Variants in ANKRD24 observed in about 807,000 individuals in gnomAD.
ANKRD24 encodes the protein ankyrin repeat domain-containing protein 24.
Under a neutral mutation model 127.8 loss-of-function variants are expected in ANKRD24, and 109 were observed. That is an observed-to-expected ratio of 0.85 (90% CI 0.73 to 1.00). ANKRD24 has a LOEUF of 1.00. ANKRD24 is among the 50% of genes least tolerant of loss of function. ANKRD24 has a pLI of 0.00. For missense variants in ANKRD24, 1,648 were observed against 1,570.2 expected, an observed-to-expected ratio of 1.05 and a Z score of -0.84; for synonymous variants, 743 against 671.1, an observed-to-expected ratio of 1.11 and a Z score of -1.66.
intron 13 of ANKRD24, 42 bp downstream of exon 13, chr19:4,210,414 G>A: frequency 6.7e-7 from 1 of 1,482,660 alleles, no homozygotes; most frequent in African/African-American, 1.4e-5. Flanking sequence ...CAGCCTGGGT[G>A]GGGTCAATGC....
chr19:4,220,170 G>A (rs984256159), intron 19 of ANKRD24, among the ~76,000 whole-genome samples: 3 of 151,872 alleles, frequency 2.0e-5, no homozygotes, highest in African/African-American at 4.8e-5. Flanking sequence ...ATGGGGTTTC[G>A]TCACGTTGGC....
chr19:4,196,069 C>T (rs1968717638), intron 2 of ANKRD24, among the ~76,000 whole-genome samples: 1 of 152,112 alleles, frequency 6.6e-6, no homozygotes, highest in Non-Finnish European at 1.5e-5. Flanking sequence ...TGGGTGGAGG[C>T]CAGGGATGCT....
chr19:4,185,770 A>G (rs536015947), intron 1 of ANKRD24, among the ~76,000 whole-genome samples: 1 of 152,334 alleles, frequency 6.6e-6, no homozygotes, highest in Admixed American at 6.5e-5. Flanking sequence ...CCCTGGCTTC[A>G]GTCCCCAGGG....
Position 4,186,436 on chromosome 19 carries a change from T to A in ANKRD24, c.11T>A (p.Leu4His). ...CACAGGGCACCAACTATGAAGACTCTCAGGGCGCGATTTAAGAAGACAGAG... is the reference window on the plus strand; with the variant it reads ...CACAGGGCACCAACTATGAAGACTCACAGGGCGCGATTTAAGAAGACAGAG... Reference protein sequence around the residue: MKTLRARFKKTELR... With the variant: MKTHRARFKKTELR... Residue 4 changes from leucine to histidine, a missense_variant, in exon 2 of 22, where the codon CTC becomes CAC. Coordinates refer to ENST00000318934, the MANE Select transcript of ANKRD24 (RefSeq NM_001393985.1). 6.3e-7 allele frequency: 1 copy of A among 1,592,692 alleles called. No individual in the cohort carries two copies. The highest frequency in any genetic ancestry group is 8.5e-7 in the Non-Finnish European group (1 of 1,169,682).
chr19:4,185,555 CT>C (rs1279086918), intron 1 of ANKRD24, among the ~76,000 whole-genome samples: 3 of 152,218 alleles, frequency 2.0e-5, no homozygotes, highest in Non-Finnish European at 1.5e-5. Context: ...CAAGATAGGC[CT>C]GCCTGACCTC....
chr19:4,207,581 C>T lies in ANKRD24; in HGVS notation c.618C>T (p.Ala206=), dbSNP rs376699397. The T allele has an allele frequency of 6.3e-5, 102 of 1,613,858 alleles. 1 individual carries two copies. The African/African-American group carries it at 8.0e-4, about 13-fold the overall frequency. The change falls in exon 9 of 22, where the codon GCC becomes GCT. Residue 206 remains alanine, a synonymous_variant. Coordinates refer to ENST00000318934, the MANE Select transcript of ANKRD24 (RefSeq NM_001393985.1). ...LCRLLLQQGA[A]ANDQDLQGRT... is the part of the protein sequence containing the mutation. ...GTCTCCTACTGCAGCAAGGGGCTGC[C>T]GCGAACGATCAGGACCTGCAAGGCA...
intron 1 of ANKRD24, chr19:4,183,499 T>G (rs997587895): frequency 6.7e-6 from 2 of 299,280 alleles, no homozygotes; most frequent in African/African-American, 4.6e-5. Flanking sequence ...ATGGTGTGGT[T>G]GGGGTGCAAT....
chr19:4,203,649 T>G (rs1216209135), intron 7 of ANKRD24, among the ~76,000 whole-genome samples: 1 of 151,620 alleles, frequency 6.6e-6, no homozygotes, highest in Non-Finnish European at 1.5e-5. Flanking sequence ...TCACCTAGCC[T>G]CCTCCTTTTT....
intron 19 of ANKRD24, among the ~76,000 whole-genome samples, 173 bp downstream of exon 19, chr19:4,219,931 C>T: frequency 6.6e-6 from 1 of 152,240 alleles, no homozygotes; most frequent in South Asian, 2.1e-4. Context: ...ACAAGTCAGA[C>T]ACACACAGGC....
intron 7 of ANKRD24, among the ~76,000 whole-genome samples, chr19:4,203,931 G>T (rs1390905524): frequency 1.3e-5 from 2 of 149,188 alleles, no homozygotes; most frequent in East Asian, 2.0e-4. Flanking sequence ...GATTACAGGC[G>T]TGAGCCACCG....
At chr19:4,215,845 G>A in intron 15 of ANKRD24, 133 bp from the exon 16 acceptor site, 1 of 673,960 alleles carries the variant, frequency 1.5e-6, no homozygotes, top group Non-Finnish European at 2.5e-6. Flanking sequence ...ATCCTTGTGG[G>A]CCAAATGCAG....
intron 5 of ANKRD24, among the ~76,000 whole-genome samples, chr19:4,201,530 G>C (rs1969094296): frequency 6.6e-6 from 1 of 152,074 alleles, no homozygotes; most frequent in Non-Finnish European, 1.5e-5. Flanking sequence ...GGATTGTCTG[G>C]AATACAGACT....
intron 5 of ANKRD24, 48 bp from the exon 6 acceptor site, chr19:4,201,978 A>T: frequency 4.5e-6 from 7 of 1,542,774 alleles, no homozygotes; most frequent in Non-Finnish European, 6.3e-6. Context: ...AGCAGCTGGG[A>T]GCTACTTGAA....
rs1568330803 is a variant in ANKRD24, at chr19:4,208,805, T to TGGAC, written c.870+5_870+8dup. 6.2e-7 allele frequency: 1 copy of TGGAC among 1,613,082 alleles called. No homozygotes were observed. Among genetic ancestry groups the TGGAC allele is most frequent in the Non-Finnish European group, 8.5e-7 (1 of 1,179,476 alleles). ...TTCAGGCGAGGCGTCATCTCAGGTA[T>TGGAC]GGACCCCTAAGCAGTGAAGGAGCCC... On this transcript the variant is annotated splice_donor_region_variant and intron_variant, in intron 11 of 21. Coordinates refer to ENST00000318934, the MANE Select transcript of ANKRD24 (RefSeq NM_001393985.1).
intron 15 of ANKRD24, 36 bp downstream of exon 15, chr19:4,212,734 T>C: frequency 6.6e-7 from 1 of 1,506,000 alleles, no homozygotes; most frequent in Non-Finnish European, 9.0e-7. Context: ...GGGCTGGGGC[T>C]GGGTCGGGGA....
At chr19:4,208,658 C>T in intron 10 of ANKRD24, 106 bp from the exon 11 acceptor site, 1 of 1,131,770 alleles carries the variant, frequency 8.8e-7, no homozygotes, top group Non-Finnish European at 1.3e-6. Flanking sequence ...CTTAAACGCC[C>T]TGATTCTTGG....
Position 4,195,211 on chromosome 19 carries a change from T to C in ANKRD24, c.37-4472T>C, listed in dbSNP as rs1202987394. Among the ~76,000 whole-genome samples, 5 of 152,024 alleles carry C rather than the reference T, an allele frequency of 3.3e-5. No individual in the cohort carries two copies. Among genetic ancestry groups the C allele is most frequent in the African/African-American group, 1.2e-4 (5 of 41,414 alleles). The stretch of plus-strand genomic sequence containing the variant: ...CCTCAGTCTCCCGAGTAGCTGGGAC[T>C]ACAGGCGCCCACCACCACGCCCGGC... On this transcript the variant is annotated intron_variant, in intron 2 of 21. Coordinates refer to ENST00000318934, the MANE Select transcript of ANKRD24 (RefSeq NM_001393985.1). The surrounding 1 kb of genome is among the most constrained non-coding windows in gnomAD (Gnocchi z 4.2).
At chr19:4,214,972 T>C (rs976384080) in intron 15 of ANKRD24, among the ~76,000 whole-genome samples, 3 of 152,168 alleles carry the variant, frequency 2.0e-5, no homozygotes, top group Admixed American at 6.6e-5. Context: ...AGCCAGCTCT[T>C]TGCATGCCAA....
At chr19:4,197,448 G>A (rs552196538) in intron 2 of ANKRD24, among the ~76,000 whole-genome samples, 1 of 152,318 alleles carries the variant, frequency 6.6e-6, no homozygotes, top group South Asian at 2.1e-4. Context: ...GTGAACTAAT[G>A]AATGGATGAA....
Sources: gnomAD v4.1 joint callset for allele counts (sites outside exome capture counted in the v4.1 genomes callset) on GRCh38, gnomAD v4.1.1 for gene constraint, Gnocchi (gnomAD v3.1) non-coding constraint, MANE v1.5 for transcripts, NCBI Gene and HGNC (gene_info 2026-07-23, HGNC 2026-07-21) for gene names.